Variants in DNAAF5 observed in about 807,000 individuals in gnomAD.
The protein encoded by DNAAF5 is HEAT repeat containing 2.
A neutral mutation model predicts 75.8 loss-of-function variants in DNAAF5; 64 were observed. That is an observed-to-expected ratio of 0.84 (90% CI 0.69 to 1.04). The LOEUF is 1.04. DNAAF5 is among the 50% of genes least tolerant of loss of function. The pLI, the probability that DNAAF5 is intolerant of heterozygous loss-of-function variation, is 0.00. For synonymous variants in DNAAF5, 657 were observed against 557.2 expected (o/e 1.18, Z -2.52); for missense variants, 1,269 against 1,178.5 (o/e 1.08, Z -1.12).
chr7:740,060 GT>G (rs2128072539), intron 2 of DNAAF5, among the ~76,000 whole-genome samples: 1 of 152,248 alleles, frequency 6.6e-6, no homozygotes, highest in Non-Finnish European at 1.5e-5. Context: ...GGACAGCTCT[GT>G]AGCTCGTTCA....
At chr7:780,613 A>G (rs1778904287) in intron 12 of DNAAF5, among the ~76,000 whole-genome samples, 1 of 152,176 alleles carries the variant, frequency 6.6e-6, no homozygotes, top group Admixed American at 6.5e-5. Context: ...TGTGGCTTCA[A>G]GTGTAGTTGG....
intron 2 of DNAAF5, among the ~76,000 whole-genome samples, chr7:739,454 T>G (rs2128072301): frequency 6.6e-6 from 1 of 152,310 alleles, no homozygotes; most frequent in East Asian, 1.9e-4. Flanking sequence ...GGAATGGCCG[T>G]GGAGCTGATT....
chr7:743,807 G>T (rs1341456913), intron 4 of DNAAF5, among the ~76,000 whole-genome samples: 2 of 151,358 alleles, frequency 1.3e-5, no homozygotes, highest in Non-Finnish European at 3.0e-5. Context: ...ACCACGCCCA[G>T]CTAATTTTGT....
At chr7:732,308 C>T (rs561278680) in intron 2 of DNAAF5, among the ~76,000 whole-genome samples, 97 of 152,364 alleles carry the variant, frequency 6.4e-4, no homozygotes, top group Non-Finnish European at 1.1e-3. Flanking sequence ...AGAACCCCGG[C>T]GAGGCAGGCA....
intron 8 of DNAAF5, among the ~76,000 whole-genome samples, chr7:765,329 A>G (rs1035727802): frequency 6.6e-6 from 1 of 152,190 alleles, no homozygotes; most frequent in Non-Finnish European, 1.5e-5. Flanking sequence ...AGCCTCCCTC[A>G]GCCCCTCTCC....
chr7:773,979 C>T, intron 9 of DNAAF5, 69 bp from the exon 10 acceptor site: 3 of 1,579,978 alleles, frequency 1.9e-6, no homozygotes, highest in Admixed American at 1.7e-5. Context: ...CCCATTCATC[C>T]CTAGTCTGAA....
Position 741,450 on chromosome 7 carries a change from C to T in DNAAF5, c.1009C>T (p.His337Tyr). The T allele has an allele frequency of 1.3e-6, 2 of 1,552,856 alleles. No homozygotes were observed. Among genetic ancestry groups the T allele is most frequent in the South Asian group, 1.2e-5 (1 of 84,874 alleles). The change falls in exon 4 of 13, where the codon CAT becomes TAT. Residue 337 changes from histidine to tyrosine, a missense_variant. Transcript: ENST00000297440. ...GGACTTTGCCCCTCCCACCCCACCC[C>T]ATTACCCTCCACATGGTGAGTGACC... The part of the protein sequence containing the change: ...KLDFAPPTPP[H>Y]YPPHERRPVL...
At chr7:733,374 G>A (rs1159564822) in intron 2 of DNAAF5, among the ~76,000 whole-genome samples, 1 of 152,212 alleles carries the variant, frequency 6.6e-6, no homozygotes, top group Non-Finnish European at 1.5e-5. Flanking sequence ...CGTTGAGTCT[G>A]TAAATTGCTT....
chr7:740,119 G>A (rs546021482), intron 2 of DNAAF5, among the ~76,000 whole-genome samples: 3 of 152,268 alleles, frequency 2.0e-5, no homozygotes, highest in South Asian at 2.1e-4. Context: ...CAGCCCCACC[G>A]CTTCCTCACC....
At chr7:745,025 T>C (rs1481387902) in intron 4 of DNAAF5, among the ~76,000 whole-genome samples, 5 of 152,224 alleles carry the variant, frequency 3.3e-5, no homozygotes. Flanking sequence ...TGTGGTGCTC[T>C]GTCAGTGCCT....
chr7:783,255 C>T (rs1377649601), intron 12 of DNAAF5, among the ~76,000 whole-genome samples: 1 of 152,244 alleles, frequency 6.6e-6, no homozygotes, highest in African/African-American at 2.4e-5. Context: ...CCTGGTCCTC[C>T]GTGTGAAGCG....
rs1485831836 is a variant in DNAAF5, at chr7:770,614, C to G, written c.1927C>G (p.Gln643Glu). Reference sequence around the variant, plus strand: ...CAGAGCCACGGACACCATCAACTCCCAGGGGTAGGTCCGGGCTCTGCCTCT... The same window carrying G: ...CAGAGCCACGGACACCATCAACTCCGAGGGGTAGGTCCGGGCTCTGCCTCT... ...LLRATDTINS[Q>E]GQFPSYLETV... Residue 643 changes from glutamine (Q) to glutamate (E), a missense_variant, in exon 9 of 13, where the codon CAG becomes GAG. Gln to Glu is a conservative substitution (Grantham distance 29). Coordinates refer to ENST00000297440, the MANE Select transcript of DNAAF5 (RefSeq NM_017802.4). 1.2e-6 allele frequency: 2 copies of G among 1,613,420 alleles called. No individual in the cohort carries two copies. Among genetic ancestry groups the G allele is most frequent in the East Asian group, 2.2e-5 (1 of 44,878 alleles).
chr7:738,926 C>T (rs1033838506), intron 2 of DNAAF5, among the ~76,000 whole-genome samples: 18 of 152,244 alleles, frequency 1.2e-4, no homozygotes, highest in African/African-American at 1.7e-4. Flanking sequence ...GAGGAGAAAG[C>T]AGCGAGGCCA....
intron 2 of DNAAF5, among the ~76,000 whole-genome samples, chr7:734,513 C>T (rs1356473033): frequency 6.6e-6 from 1 of 152,204 alleles, no homozygotes; most frequent in Non-Finnish European, 1.5e-5. Flanking sequence ...CGTCAGTGTT[C>T]ATCAGGGATA....
intron 2 of DNAAF5, among the ~76,000 whole-genome samples, chr7:731,573 A>G (rs552826439): frequency 6.6e-6 from 1 of 152,352 alleles, no homozygotes; most frequent in South Asian, 2.1e-4. Context: ...ATCTAAAGCA[A>G]GCTTGTCCAA....
At chr7:729,008 T>TTC (rs1394658107) in intron 1 of DNAAF5, among the ~76,000 whole-genome samples, 71 of 150,858 alleles carry the variant, frequency 4.7e-4, no homozygotes, top group African/African-American at 1.5e-3. Flanking sequence ...TTTTTTTTTT[T>TTC]TTTTTTGAGA....
Position 761,744 on chromosome 7 carries a change from C to A in DNAAF5, c.1471-9C>A. The A allele has an allele frequency of 6.3e-7, 1 of 1,595,726 alleles. No homozygotes were observed. Among genetic ancestry groups the A allele is most frequent in the Admixed American group, 1.7e-5 (1 of 57,708 alleles). On this transcript the variant is annotated splice_polypyrimidine_tract_variant and intron_variant, in intron 6 of 12. Transcript: ENST00000297440. ...ACCAAGCTCTGACGGTGCTGCCGGT[C>A]TCTTCCAGGACCTCTACCTGGAGCG...
At chr7:774,238 G>A (rs771669812) in intron 10 of DNAAF5, 40 bp downstream of exon 10, 14 of 1,558,528 alleles carry the variant, frequency 9.0e-6, no homozygotes, top group Non-Finnish European at 1.2e-5. Flanking sequence ...ACCGGCCGGG[G>A]ACTGCGCAGG....
At chr7:774,424 C>A (rs1197929288) in intron 10 of DNAAF5, among the ~76,000 whole-genome samples, 1 of 152,168 alleles carries the variant, frequency 6.6e-6, no homozygotes, top group Non-Finnish European at 1.5e-5. Flanking sequence ...GGCCGCGGGC[C>A]CAGCCAGCCC....
Sources: gnomAD v4.1 joint callset for allele counts (sites outside exome capture counted in the v4.1 genomes callset) on GRCh38, gnomAD v4.1.1 for gene constraint, MANE v1.5 for transcripts, NCBI Gene and HGNC (gene_info 2026-07-23, HGNC 2026-07-21) for gene names.